TEX35: variants seen among roughly 807,000 people sequenced by gnomAD.
TEX35 encodes testis-expressed protein 35.
Under a neutral mutation model 31.9 loss-of-function variants are expected in TEX35, and 26 were observed. That is an observed-to-expected ratio of 0.81 (90% CI 0.60 to 1.13). The LOEUF (loss-of-function observed/expected upper bound fraction) is 1.13, where lower values mean the gene tolerates loss of function less well. TEX35 is among the 50% of genes most tolerant of loss of function. TEX35 has a pLI of 0.00. For missense variants in TEX35, 278 were observed against 273.5 expected (o/e 1.02, Z -0.12); for synonymous variants, 87 against 90.7 (o/e 0.96, Z 0.23).
At chr1:178,520,978 C>G (rs1016495376) in intron 7 of TEX35, 104 bp downstream of exon 7, 5 of 1,556,480 alleles carry the variant, frequency 3.2e-6, no homozygotes, top group Non-Finnish European at 4.3e-6. Flanking sequence ...AGGGACAGGT[C>G]CGCCCGCTGC....
chr1:178,513,963 C>T, intron 1 of TEX35, 64 bp from the exon 2 acceptor site: 2 of 1,583,664 alleles, frequency 1.3e-6, no homozygotes, highest in Non-Finnish European at 1.7e-6. Context: ...CGTGCAAGGG[C>T]CAGATGTTCT....
chr1:178,520,767 G>T lies in TEX35; in HGVS notation c.436G>T (p.Ala146Ser), dbSNP rs777974844. The change falls in exon 7 of 9, where the codon GCC (alanine) becomes TCC (serine). Residue 146 changes from alanine to serine, a missense_variant. Ala to Ser is a moderately conservative substitution (Grantham distance 99). Transcript: ENST00000319416. ...PQLRPKKMDG[A>S]SGVNGAPCAL... ...GCTCAGGCCCAAGAAAATGGATGGA[G>T]CCAGTGGAGTCAATGGAGCACCCTG... 2 of 1,614,136 alleles carry T rather than the reference G, an allele frequency of 1.2e-6. No individual in the cohort carries two copies. Among genetic ancestry groups the T allele is most frequent in the South Asian group, 1.1e-5 (1 of 91,078 alleles).
At chr1:178,521,572 AC>A in intron 8 of TEX35, 1 of 1,505,442 alleles carries the variant, frequency 6.6e-7, no homozygotes, top group Non-Finnish European at 9.1e-7. Context: ...AAATATTCAC[AC>A]CAGGTCTGGG....
In TEX35 at chr1:178,516,673, A is replaced by AG. The variant is rs1558037607; in HGVS notation, c.276+1dup. ...CTTCACGAATTTGTGGAAATTATGA[A>AG]GGTAAGCATTACTTGAGTGCCTTCC... On this transcript the variant is annotated frameshift_variant and splice_region_variant, in exon 5 of 9. Transcript: ENST00000319416. LOFTEE classifies it high-confidence loss of function. 1 of 1,609,046 alleles carries AG rather than the reference A, an allele frequency of 6.2e-7. No homozygotes were observed. The highest frequency in any genetic ancestry group is 1.1e-5 in the South Asian group (1 of 90,386).
intron 1 of TEX35, among the ~76,000 whole-genome samples, chr1:178,513,747 T>C (rs12096233): frequency 0.2 from 29,929 of 152,222 alleles, 4,998 homozygotes; most frequent in African/African-American, 0.46. Flanking sequence ...TCTAGTTATC[T>C]TAAAGTGCTT....
At chr1:178,523,295 C>G (rs1303306402), downstream of TEX35, 13 of 701,504 alleles carry the variant, frequency 1.9e-5, no homozygotes, top group Admixed American at 4.0e-5. Flanking sequence ...GATTTTCTTT[C>G]TTGTAGGTAT....
chr1:178,515,339 T>C (rs1045982215), intron 3 of TEX35, among the ~76,000 whole-genome samples: 2 of 152,308 alleles, frequency 1.3e-5, no homozygotes, highest in Middle Eastern at 3.4e-3. Context: ...CCTCAGCTGA[T>C]CTGTCTGCCT....
In TEX35 at chr1:178,516,597, G is replaced by A; in HGVS notation, c.217-18G>A. 1 of 1,610,158 alleles carries A rather than the reference G, an allele frequency of 6.2e-7. No individual in the cohort carries two copies. The highest frequency in any genetic ancestry group is 8.5e-7 in the Non-Finnish European group (1 of 1,176,794). ...CATGCTCTGTGCTTTGTCAAGCCATGCCTTTCTTCCTTGTTAGATAAAGGA... is the reference window on the plus strand; with the variant it reads ...CATGCTCTGTGCTTTGTCAAGCCATACCTTTCTTCCTTGTTAGATAAAGGA... On this transcript the variant is annotated intron_variant, in intron 4 of 8. Transcript: ENST00000319416.
chr1:178,513,656 A>G (rs535551309), intron 1 of TEX35, among the ~76,000 whole-genome samples: 20 of 152,404 alleles, frequency 1.3e-4, no homozygotes, highest in Middle Eastern at 3.4e-3. Flanking sequence ...CAGAGATAGT[A>G]GAGAGGTCAG....
chr1:178,513,942 G>A (rs1020188882), intron 1 of TEX35, 85 bp from the exon 2 acceptor site: 2 of 1,514,758 alleles, frequency 1.3e-6, no homozygotes, highest in African/African-American at 1.4e-5. Flanking sequence ...GGGGGCAGGG[G>A]GCAGGGTTCC....
chr1:178,521,399 GCCACC>G, intron 8 of TEX35, 135 bp downstream of exon 8: 1 of 1,140,274 alleles, frequency 8.8e-7, no homozygotes, highest in Non-Finnish European at 1.3e-6. Flanking sequence ...AGCAGATGCT[GCCACC>G]CAGCATGCTC....
downstream of TEX35, chr1:178,522,661 G>A (rs955191700): frequency 2.6e-5 from 32 of 1,208,988 alleles, 2 homozygotes; most frequent in African/African-American, 4.6e-4. Flanking sequence ...TTTTTTTTTG[G>A]AATTTTATTA....
intron 3 of TEX35, among the ~76,000 whole-genome samples, chr1:178,515,393 C>G (rs1650038816): frequency 1.3e-5 from 2 of 152,134 alleles, no homozygotes; most frequent in Non-Finnish European, 2.9e-5. Flanking sequence ...GCCACTGCAC[C>G]TCGTCTGGGG....
At position 178,513,192 on chromosome 1, in the gene TEX35, T is replaced by A. The variant is rs1458201077; in HGVS notation, c.4T>A (p.Ser2Thr). ...GAACACCCTGGCCTCCTCCATCATG[T>A]CGGCCAAGAGGGCAGAATTGAAGAA... is the stretch of plus-strand genomic sequence containing the variant. The part of the protein sequence containing the change: M[S>T]AKRAELKKTH... Residue 2 changes from serine to threonine, a missense_variant, in exon 1 of 9, where the codon TCG becomes ACG. Transcript: ENST00000319416. 43 of 1,614,168 alleles carry A rather than the reference T, an allele frequency of 2.7e-5. No homozygotes were observed. The highest frequency in any genetic ancestry group is 3.5e-5 in the Non-Finnish European group (41 of 1,180,022).
chr1:178,515,806 C>T, intron 3 of TEX35, 53 bp from the exon 4 acceptor site: 1 of 1,425,208 alleles, frequency 7.0e-7, no homozygotes, highest in Non-Finnish European at 9.8e-7. Context: ...GATGGTTTCC[C>T]CTCCATCCTA....
At chr1:178,522,161 C>T (rs905319733) in intron 8 of TEX35, 164 bp from the exon 9 acceptor site, 1 of 962,220 alleles carries the variant, frequency 1.0e-6, no homozygotes, top group African/African-American at 1.6e-5. Context: ...TGCAGGGAAC[C>T]CCTCAGCCTC....
chr1:178,521,138 C>A, intron 7 of TEX35, 84 bp from the exon 8 acceptor site: 1 of 1,599,454 alleles, frequency 6.3e-7, no homozygotes, highest in Non-Finnish European at 8.6e-7. Context: ...TTCCCTTTAG[C>A]AAGGGCAGAT....
chr1:178,517,275 G>T (rs959757277), intron 5 of TEX35, among the ~76,000 whole-genome samples: 1 of 152,184 alleles, frequency 6.6e-6, no homozygotes, highest in Non-Finnish European at 1.5e-5. Context: ...CCAAACACAT[G>T]AATGAAATGG....
intron 2 of TEX35, 139 bp downstream of exon 2, chr1:178,514,216 C>G: frequency 1.3e-5 from 20 of 1,565,028 alleles, no homozygotes; most frequent in Non-Finnish European, 1.7e-5. Flanking sequence ...AGTTCTTGCT[C>G]TCATAGAACT....
Sources: allele counts gnomAD v4.1 joint callset (sites outside exome capture counted in the v4.1 genomes callset), GRCh38; gene constraint gnomAD v4.1.1; transcripts MANE v1.5; gene names NCBI Gene and HGNC (gene_info 2026-07-23, HGNC 2026-07-21).